Variants in CEP57 observed in about 807,000 individuals in gnomAD.
CEP57 encodes the protein centrosomal protein 57.
A neutral mutation model predicts 68.0 loss-of-function variants in CEP57; 40 were observed. The observed-to-expected ratio is 0.59, with a 90% CI of 0.46 to 0.77. The LOEUF (loss-of-function observed/expected upper bound fraction) is 0.77, where lower values mean the gene tolerates loss of function less well. CEP57 is among the 30% of genes least tolerant of loss of function. CEP57 has a pLI of 0.00. For synonymous variants in CEP57, 219 were observed against 198.7 expected (o/e 1.10, Z -0.86); for missense variants, 606 against 580.7 (o/e 1.04, Z -0.45).
chr11:95,816,109 AC>A (rs1194400855), intron 4 of CEP57, among the ~76,000 whole-genome samples: 2 of 152,078 alleles, frequency 1.3e-5, no homozygotes, highest in African/African-American at 4.8e-5. Context: ...GGTTTAATTG[AC>A]TCACAGTTCT....
intron 10 of CEP57, 149 bp downstream of exon 10, chr11:95,829,480 G>C: frequency 1.2e-6 from 1 of 852,936 alleles, no homozygotes; most frequent in Non-Finnish European, 1.9e-6. Flanking sequence ...ATTGAGAATT[G>C]GTAAGTGGAT....
At chr11:95,821,336 A>G (rs1862509350) in intron 6 of CEP57, among the ~76,000 whole-genome samples, 1 of 152,174 alleles carries the variant, frequency 6.6e-6, no homozygotes. Flanking sequence ...TAGTATAGTT[A>G]CTCAGCTTCT....
intron 8 of CEP57, chr11:95,823,014 A>T (rs969548799): frequency 9.2e-6 from 2 of 216,314 alleles, no homozygotes; most frequent in Non-Finnish European, 1.9e-5. Context: ...AGAAGCAGTC[A>T]TACGTACACT....
intron 9 of CEP57, among the ~76,000 whole-genome samples, chr11:95,828,276 T>C (rs924178244): frequency 6.6e-6 from 1 of 152,210 alleles, no homozygotes; most frequent in Non-Finnish European, 1.5e-5. Context: ...TGAGAACTTA[T>C]GATATACAGT....
chr11:95,790,375 C>T, upstream of CEP57: 2 of 464,796 alleles, frequency 4.3e-6, no homozygotes, highest in Non-Finnish European at 7.8e-6. Flanking sequence ...GTTGTCTGCC[C>T]CAGCGGGCCC....
At chr11:95,807,210 G>T (rs894517510) in intron 2 of CEP57, among the ~76,000 whole-genome samples, 9 of 152,178 alleles carry the variant, frequency 5.9e-5, no homozygotes, top group African/African-American at 1.9e-4. Flanking sequence ...AACCCCATCT[G>T]CATGTCACCA....
rs1863016609 is a variant in CEP57 at position 95,831,748 on chromosome 11, T to C, written c.*492T>C. Reference sequence around the variant, plus strand: ...TTCTACTATTGGTGGAGTTTTTCTATATTTAAAAATACATATATATTTCAG... The same window carrying C: ...TTCTACTATTGGTGGAGTTTTTCTACATTTAAAAATACATATATATTTCAG... On this transcript the variant is annotated 3_prime_UTR_variant, in exon 11 of 11. Transcript: ENST00000325542. The C allele has an allele frequency of 6.6e-6, 1 of 152,302 alleles. No individual in the cohort carries two copies. The highest frequency in any genetic ancestry group is 6.5e-5 in the Admixed American group (1 of 15,268). The allele number at this position is 152,302 out of a possible 1,614,324, so 9.4% of individuals were successfully genotyped here.
At position 95,813,512 on chromosome 11, in the gene CEP57, T is replaced by C. The variant is rs899359299; in HGVS notation, c.427T>C (p.Leu143=). Reference sequence around the variant, plus strand: ...AGCTGCAGAAAATAAATGCAATCTATTAGAAAAACAATTGGAATACATGCG... The same window carrying C: ...AGCTGCAGAAAATAAATGCAATCTACTAGAAAAACAATTGGAATACATGCG... ...LLAAENKCNL[L]EKQLEYMRNM... Residue 143 remains leucine (L), a synonymous_variant, in exon 4 of 11, where the codon TTA becomes CTA. Coordinates refer to ENST00000325542, the MANE Select transcript of CEP57 (RefSeq NM_014679.5). The C allele has an allele frequency of 1.7e-5, 27 of 1,612,808 alleles. No individual in the cohort carries two copies. Among genetic ancestry groups the C allele is most frequent in the Non-Finnish European group, 2.1e-5 (25 of 1,179,890 alleles).
intron 2 of CEP57, among the ~76,000 whole-genome samples, chr11:95,800,036 G>A (rs925051750): frequency 6.6e-6 from 1 of 151,994 alleles, no homozygotes. Context: ...TAGTTTTCTT[G>A]TCGCCTTAAC....
chr11:95,829,939 GT>G (rs1464612204), intron 10 of CEP57, among the ~76,000 whole-genome samples: 1 of 152,136 alleles, frequency 6.6e-6, no homozygotes, highest in Admixed American at 6.6e-5. Flanking sequence ...TTTGAGGTAT[GT>G]TTTGGAAGTA....
At chr11:95,804,989 T>C (rs993600465) in intron 2 of CEP57, among the ~76,000 whole-genome samples, 3 of 152,164 alleles carry the variant, frequency 2.0e-5, no homozygotes, top group Admixed American at 2.0e-4. Flanking sequence ...CATTCAAGAA[T>C]ACATAAAACA....
intron 1 of CEP57, among the ~76,000 whole-genome samples, chr11:95,794,864 T>G (rs767570120): frequency 2.0e-5 from 3 of 152,200 alleles, no homozygotes; most frequent in Non-Finnish European, 4.4e-5. Context: ...TGCTGTGAGA[T>G]AGGGATCCAG....
intron 1 of CEP57, among the ~76,000 whole-genome samples, 190 bp from the exon 2 acceptor site, chr11:95,799,042 G>A (rs1191420916): frequency 6.6e-6 from 1 of 152,090 alleles, no homozygotes; most frequent in Non-Finnish European, 1.5e-5. Context: ...CTGGCATATG[G>A]CTATATTCAG....
chr11:95,795,990 C>T lies in CEP57; in HGVS notation c.46-3242C>T, dbSNP rs573882810. On this transcript the variant is annotated intron_variant, in intron 1 of 10. Transcript: ENST00000325542. Reference sequence around the variant, plus strand: ...CGATTTCAGCACTAATAAAGACCTTCCTTTACCATACTGTTTTGAAGCAGT... The same window carrying T: ...CGATTTCAGCACTAATAAAGACCTTTCTTTACCATACTGTTTTGAAGCAGT... Among the ~76,000 whole-genome samples the T allele has an allele frequency of 2.1e-4, 32 of 152,300 alleles. 1 individual carries two copies. Among genetic ancestry groups the T allele is most frequent in the African/African-American group, 6.7e-4 (28 of 41,562 alleles).
intron 4 of CEP57, among the ~76,000 whole-genome samples, chr11:95,816,041 G>A (rs1311976075): frequency 6.6e-6 from 1 of 151,900 alleles, no homozygotes. Flanking sequence ...AATTGTATTA[G>A]TCCATTCTCA....
chr11:95,822,809 A>T, intron 8 of CEP57: 1 of 520,688 alleles, frequency 1.9e-6, no homozygotes, highest in East Asian at 3.4e-5. Flanking sequence ...AGGAAGTGAT[A>T]AAACAGAGAC....
chr11:95,823,367 C>T (rs921332340), intron 8 of CEP57, among the ~76,000 whole-genome samples: 3 of 151,840 alleles, frequency 2.0e-5, no homozygotes, highest in African/African-American at 7.3e-5. Flanking sequence ...TACTTACAGG[C>T]AGATTTTTTT....
At chr11:95,792,183 A>T (rs911562867) in intron 1 of CEP57, among the ~76,000 whole-genome samples, 2 of 152,190 alleles carry the variant, frequency 1.3e-5, no homozygotes, top group African/African-American at 4.8e-5. Context: ...GTTATTCAGG[A>T]TTAGGTCAGT....
At chr11:95,796,485 G>T (rs1861354421) in intron 1 of CEP57, among the ~76,000 whole-genome samples, 1 of 152,162 alleles carries the variant, frequency 6.6e-6, no homozygotes, top group South Asian at 2.1e-4. Flanking sequence ...AAAGCTTTTG[G>T]TGATCTCTTA....
Sources: gnomAD v4.1 joint callset for allele counts (sites outside exome capture counted in the v4.1 genomes callset) on GRCh38, gnomAD v4.1.1 for gene constraint, MANE v1.5 for transcripts, NCBI Gene and HGNC (gene_info 2026-07-23, HGNC 2026-07-21) for gene names.